Variants in FGF13 observed in about 807,000 individuals in gnomAD.
The protein encoded by FGF13 is fibroblast growth factor homologous factor 2.
A neutral mutation model predicts 19.5 loss-of-function variants in FGF13; 2 were observed. The ratio of observed to expected loss-of-function variants is 0.10; its 90% CI spans 0.04 to 0.32. FGF13 has a LOEUF of 0.32. FGF13 is among the 10% of genes least tolerant of loss of function. FGF13 has a pLI of 1.00. For missense variants in FGF13, 113 were observed against 192.7 expected (o/e 0.59, Z 2.45); for synonymous variants, 72 against 76.9 (o/e 0.94, Z 0.33).
intron 1 of FGF13, among the ~76,000 whole-genome samples, chrX:138,988,785 G>C (rs1031479285): frequency 2.4e-4 from 27 of 111,963 alleles, no homozygotes; most frequent in Admixed American, 2.2e-3. Context: ...AGAGTTTTGA[G>C]GTTTAAGTAG....
chrX:139,008,993 A>G (rs1443873198), intron 1 of FGF13, among the ~76,000 whole-genome samples: 1 of 112,042 alleles, frequency 8.9e-6, no homozygotes, highest in Non-Finnish European at 1.9e-5. Flanking sequence ...GTGAAATAGA[A>G]TAACTAAAAG....
rs958521972 is a variant in FGF13 at position 138,971,465 on chromosome X, T to A, written c.-112-106815A>T. Among the ~76,000 whole-genome samples, 9 of 112,404 alleles carry A rather than the reference T, an allele frequency of 8.0e-5. No individual in the cohort carries two copies. The East Asian group carries it at 2.5e-3, about 31-fold the overall frequency. On this transcript the variant is annotated intron_variant, in intron 1 of 2. Coordinates refer to the FGF13 transcript ENST00000421460. ...TCTCCAATTTAAAAATTTGGTTGTC[T>A]TTTTTAATTGAGTTGTAATAGTTTT...
At chrX:138,879,553 GA>G in intron 1 of FGF13, among the ~76,000 whole-genome samples, 1 of 108,269 alleles carries the variant, frequency 9.2e-6, no homozygotes, top group Non-Finnish European at 1.9e-5. Context: ...TACATGTGCA[GA>G]ATGTGCAGGT....
intron 3 of FGF13, among the ~76,000 whole-genome samples, chrX:138,831,101 C>T (rs373205565): frequency 2.7e-5 from 3 of 111,429 alleles, no homozygotes; most frequent in African/African-American, 9.8e-5. Context: ...TGCTCCAGAA[C>T]GTACAAGCCA....
chrX:139,104,945 G>C (rs2083548113), intron 1 of FGF13, among the ~76,000 whole-genome samples: 1 of 111,318 alleles, frequency 9.0e-6, no homozygotes, highest in Non-Finnish European at 1.9e-5. Flanking sequence ...GAGAAAGTCT[G>C]TCAACCCCTA....
At position 139,132,222 on chromosome X, in the gene FGF13, T is replaced by C. The variant is rs766171870; in HGVS notation, c.-113+71194A>G. Among the ~76,000 whole-genome samples, 5 of 112,171 alleles carry C rather than the reference T, an allele frequency of 4.5e-5. No individual in the cohort carries two copies. The South Asian group carries it at 1.5e-3, about 33-fold the overall frequency. On this transcript the variant is annotated intron_variant, in intron 1 of 2. Coordinates refer to the FGF13 transcript ENST00000421460. ...GACATTCTTCCTATTAGAAAGCATC[T>C]AGGTGCAAGCTTAATTCATTATATT...
At chrX:138,921,981 A>AAAC (rs1370806879) in intron 1 of FGF13, among the ~76,000 whole-genome samples, 3 of 107,807 alleles carry the variant, frequency 2.8e-5, no homozygotes, top group African/African-American at 1.0e-4. Flanking sequence ...CAAAAAAAAA[A>AAAC]AAAAAAACAA....
chrX:138,863,185 A>T (rs1408265534), intron 2 of FGF13, among the ~76,000 whole-genome samples: 1 of 110,892 alleles, frequency 9.0e-6, no homozygotes, highest in Non-Finnish European at 1.9e-5. Flanking sequence ...ATAATTACTT[A>T]TATATGTATG....
At chrX:138,825,725 T>C (rs1446250160) in intron 3 of FGF13, among the ~76,000 whole-genome samples, 1 of 111,937 alleles carries the variant, frequency 8.9e-6, no homozygotes, top group Non-Finnish European at 1.9e-5. Context: ...GCGACTAGCA[T>C]ATAATATGTT....
intron 1 of FGF13, among the ~76,000 whole-genome samples, chrX:139,150,359 T>C (rs1355665386): frequency 1.8e-5 from 2 of 112,147 alleles, no homozygotes; most frequent in Non-Finnish European, 3.8e-5. Context: ...ACCAAAGTAG[T>C]GACTAACACA....
chrX:138,876,982 T>C (rs1173743577), intron 1 of FGF13, among the ~76,000 whole-genome samples: 3 of 112,501 alleles, frequency 2.7e-5, no homozygotes, highest in Non-Finnish European at 5.6e-5. Context: ...CAAAAAGTCA[T>C]TTTAAATATG....
chrX:138,807,694 G>A (rs919675154), intron 3 of FGF13, among the ~76,000 whole-genome samples: 25 of 111,318 alleles, frequency 2.2e-4, no homozygotes, highest in Non-Finnish European at 4.1e-4. Context: ...GTATTCAGGA[G>A]ACCCATCTCA....
chrX:138,961,257 A>G (rs1379903623), intron 1 of FGF13, among the ~76,000 whole-genome samples: 1 of 111,412 alleles, frequency 9.0e-6, no homozygotes. Flanking sequence ...TTTCCTTCTA[A>G]CAGTCAGGAC....
intron 1 of FGF13, among the ~76,000 whole-genome samples, chrX:139,176,328 C>T (rs1435180105): frequency 2.8e-5 from 3 of 105,878 alleles, no homozygotes; most frequent in South Asian, 4.1e-4. Context: ...GTCTATCTAT[C>T]TTGTTAATCT....
chrX:138,731,893 A>G (rs1315539367), intron 1 of FGF13, among the ~76,000 whole-genome samples: 1 of 111,449 alleles, frequency 9.0e-6, no homozygotes, highest in Admixed American at 9.5e-5. Flanking sequence ...ACTGTGAACA[A>G]CTCAATAAGA....
chrX:138,839,293 TA>T (rs893013906), intron 3 of FGF13, among the ~76,000 whole-genome samples: 5 of 110,061 alleles, frequency 4.5e-5, no homozygotes, highest in South Asian at 3.9e-4. Flanking sequence ...AATAAATCAT[TA>T]AAAAAAAATT....
rs186549852 is a variant in FGF13 at position 138,769,862 on chromosome X, A to G, written c.218-60934T>C. Among the ~76,000 whole-genome samples the G allele has an allele frequency of 1.1e-3, 125 of 112,425 alleles. 1 individual carries two copies. In the East Asian group the frequency reaches 0.011, roughly 10 times the overall value. ...GTTCCAAGAAGACGATAGAGAAAAA[A>G]TTGAGCACCATTTCATGTAAGCATA... On this transcript the variant is annotated intron_variant, in intron 3 of 6. Transcript: ENST00000436198.
intron 1 of FGF13, among the ~76,000 whole-genome samples, chrX:138,984,575 GA>G: frequency 1.8e-5 from 1 of 54,230 alleles, no homozygotes; most frequent in African/African-American, 7.0e-5. Context: ...AGAAGAAGAA[GA>G]AGAAGAAGAA....
intron 3 of FGF13, among the ~76,000 whole-genome samples, chrX:138,805,684 A>C (rs1602883523): frequency 8.9e-6 from 1 of 112,229 alleles, no homozygotes; most frequent in African/African-American, 3.2e-5. Context: ...TCTTCAAAAA[A>C]TTTTATTTTA....
Sources: gnomAD v4.1 joint callset for allele counts (sites outside exome capture counted in the v4.1 genomes callset) on GRCh38, gnomAD v4.1.1 for gene constraint, MANE v1.5 for transcripts, NCBI Gene and HGNC (gene_info 2026-07-23, HGNC 2026-07-21) for gene names.